The following SLC8A1 variants were observed in gnomAD, a reference collection of about 807,000 sequenced individuals.
SLC8A1 encodes sodium/calcium exchanger 1.
In SLC8A1, 18 loss-of-function variants were observed where a neutral mutation model predicts 68.3. The ratio of observed to expected loss-of-function variants is 0.26; its 90% CI spans 0.18 to 0.39. The LOEUF (loss-of-function observed/expected upper bound fraction) is 0.39. Ranked by LOEUF, SLC8A1 falls within the 10% of genes least tolerant of loss-of-function variation. SLC8A1 has a pLI of 1.00. For missense variants in SLC8A1, 985 were observed against 1,156.7 expected (o/e 0.85, Z 2.15); for synonymous variants, 475 against 415.5 (o/e 1.14, Z -1.74).
At chr2:40,201,689 A>T (rs988230150) in intron 2 of SLC8A1, among the ~76,000 whole-genome samples, 1 of 151,912 alleles carries the variant, frequency 6.6e-6, no homozygotes. Flanking sequence ...AACTGGAAAC[A>T]TGGAAGGCTG....
At chr2:40,472,015 T>A (rs762562226) in intron 1 of SLC8A1, among the ~76,000 whole-genome samples, 3 of 152,112 alleles carry the variant, frequency 2.0e-5, no homozygotes, top group Non-Finnish European at 2.9e-5. Context: ...GAGACTGCGG[T>A]TGACTATGAA....
chr2:40,361,857 A>G (rs1459794814), intron 2 of SLC8A1, among the ~76,000 whole-genome samples: 5 of 143,812 alleles, frequency 3.5e-5, no homozygotes, highest in Non-Finnish European at 7.5e-5. Context: ...TAATTATGCT[A>G]GATAGTCAGA....
chr2:40,385,278 A>G (rs1683200216), intron 2 of SLC8A1, among the ~76,000 whole-genome samples: 1 of 151,646 alleles, frequency 6.6e-6, no homozygotes, highest in Non-Finnish European at 1.5e-5. Context: ...TTTATAAGGA[A>G]CAGTTTTTGA....
At chr2:40,412,781 C>T (rs1006726654) in intron 2 of SLC8A1, among the ~76,000 whole-genome samples, 2 of 152,152 alleles carry the variant, frequency 1.3e-5, no homozygotes, top group Non-Finnish European at 2.9e-5. Flanking sequence ...ACTAGGAAGA[C>T]ACCAACCTCA....
intron 1 of SLC8A1, among the ~76,000 whole-genome samples, chr2:40,461,415 C>G (rs984590162): frequency 6.6e-6 from 1 of 152,160 alleles, no homozygotes; most frequent in East Asian, 1.9e-4. Context: ...GCCTGTCCCC[C>G]TTGGTGTGCT....
intron 2 of SLC8A1, among the ~76,000 whole-genome samples, chr2:40,367,091 C>CCCTATGAAAT (rs1402847363): frequency 1.3e-5 from 2 of 151,910 alleles, no homozygotes; most frequent in African/African-American, 4.8e-5. Context: ...TTCATAAAAA[C>CCCTATGAAAT]CAAAGAGTCA....
At chr2:40,145,564 A>G (rs4952490) in intron 6 of SLC8A1, among the ~76,000 whole-genome samples, 48,896 of 152,128 alleles carry the variant, frequency 0.32, 8,339 homozygotes, top group African/African-American at 0.43. Flanking sequence ...ACATACAGTA[A>G]TTACAAATCA....
chr2:40,432,560 G>C (rs1698577104), intron 1 of SLC8A1, among the ~76,000 whole-genome samples: 1 of 151,152 alleles, frequency 6.6e-6, no homozygotes, highest in African/African-American at 2.4e-5. Context: ...TGTAGGAAAA[G>C]AATTCCAGCA....
At chr2:40,467,575 T>C (rs1024531486) in intron 1 of SLC8A1, among the ~76,000 whole-genome samples, 1 of 152,198 alleles carries the variant, frequency 6.6e-6, no homozygotes, top group East Asian at 1.9e-4. Context: ...TGCCTTTTTG[T>C]TCCTTTTAGA....
At chr2:40,379,570 G>C (rs1181292119) in intron 2 of SLC8A1, among the ~76,000 whole-genome samples, 1 of 151,860 alleles carries the variant, frequency 6.6e-6, no homozygotes, top group East Asian at 1.9e-4. Context: ...CCTGTCCTTA[G>C]CTTGACTATG....
chr2:40,489,678 A>G (rs1286269687), intron 1 of SLC8A1, among the ~76,000 whole-genome samples: 1 of 152,038 alleles, frequency 6.6e-6, no homozygotes, highest in Non-Finnish European at 1.5e-5. Flanking sequence ...AGACAAAAGA[A>G]CAGGCCCACT....
At chr2:40,280,172 C>G (rs1443381890) in intron 2 of SLC8A1, among the ~76,000 whole-genome samples, 1 of 145,946 alleles carries the variant, frequency 6.9e-6, no homozygotes, top group African/African-American at 2.6e-5. Flanking sequence ...TAGTGTAAAC[C>G]TGACTAAAAT....
At chr2:40,509,454 TTTTTTTTTTA>T (rs1286463915) in intron 1 of SLC8A1, among the ~76,000 whole-genome samples, 9 of 138,940 alleles carry the variant, frequency 6.5e-5, no homozygotes, top group Non-Finnish European at 1.3e-4. Flanking sequence ...TTTTTTTTTT[TTTTTTTTTTA>T]AGAATTGCCA....
At chr2:40,128,386 C>T (rs1191382222) in intron 7 of SLC8A1, among the ~76,000 whole-genome samples, 1 of 152,182 alleles carries the variant, frequency 6.6e-6, no homozygotes, top group Admixed American at 6.5e-5. Flanking sequence ...TGCACAGAGC[C>T]TCTTACCAAT....
intron 6 of SLC8A1, among the ~76,000 whole-genome samples, chr2:40,157,052 T>G (rs1313584883): frequency 6.6e-6 from 1 of 152,220 alleles, no homozygotes; most frequent in Admixed American, 6.5e-5. Flanking sequence ...ATTTATAAAA[T>G]GGTATGCATG....
chr2:40,236,519 A>C (rs2060395198), intron 2 of SLC8A1, among the ~76,000 whole-genome samples: 1 of 151,340 alleles, frequency 6.6e-6, no homozygotes, highest in Non-Finnish European at 1.5e-5. Flanking sequence ...GGGTTTCCTG[A>C]ATACAGCACA....
intron 2 of SLC8A1, among the ~76,000 whole-genome samples, chr2:40,323,464 T>C (rs974908177): frequency 1.3e-5 from 2 of 152,180 alleles, no homozygotes; most frequent in African/African-American, 4.8e-5. Context: ...ATTAATCTAT[T>C]CAACATAAAA....
At chr2:40,466,110 A>G (rs1703654895) in intron 1 of SLC8A1, among the ~76,000 whole-genome samples, 1 of 152,076 alleles carries the variant, frequency 6.6e-6, no homozygotes, top group African/African-American at 2.4e-5. Flanking sequence ...AGTATCAGGT[A>G]TTTTTTCATA....
At chr2:40,472,575 G>A (rs1328747074) in intron 1 of SLC8A1, among the ~76,000 whole-genome samples, 1 of 152,022 alleles carries the variant, frequency 6.6e-6, no homozygotes, top group Non-Finnish European at 1.5e-5. Context: ...ATGTGCCCAG[G>A]CTGGTCTCAA....
Sources: allele counts gnomAD v4.1 joint callset (sites outside exome capture counted in the v4.1 genomes callset), GRCh38; gene constraint gnomAD v4.1.1; transcripts MANE v1.5; gene names NCBI Gene and HGNC (gene_info 2026-07-23, HGNC 2026-07-21).